MSRA: variants seen among roughly 807,000 people sequenced by gnomAD.
MSRA encodes the protein mitochondrial peptide methionine sulfoxide reductase.
In MSRA, 54 loss-of-function variants were observed where a neutral mutation model predicts 31.3. The observed-to-expected ratio is 1.73, with a 90% confidence interval of 1.39 to 2.17. MSRA has a LOEUF of 2.17. Among genes scored for constraint, MSRA ranks in the 30% most tolerant of loss-of-function variants. The probability of loss-of-function intolerance (pLI) is 0.00; values close to 1 mark genes in which losing one functional copy is unlikely to be tolerated. For synonymous variants in MSRA, 169 were observed against 116.5 expected (o/e 1.45, Z -2.90); for missense variants, 507 against 300.9 (o/e 1.69, Z -5.07).
intron 3 of MSRA, among the ~76,000 whole-genome samples, chr8:10,284,054 T>G (rs190328924): frequency 1.3e-5 from 2 of 151,910 alleles, no homozygotes; most frequent in African/African-American, 2.4e-5. Context: ...AGTTCTACTT[T>G]TAGTTTGTTA....
chr8:10,204,949 G>C (rs1808823697), intron 1 of MSRA, among the ~76,000 whole-genome samples: 1 of 152,186 alleles, frequency 6.6e-6, no homozygotes. Context: ...AGTGGCATAA[G>C]TGCAAAGTGC....
intron 3 of MSRA, among the ~76,000 whole-genome samples, chr8:10,249,350 C>T (rs904409756): frequency 6.6e-6 from 1 of 152,148 alleles, no homozygotes; most frequent in Admixed American, 6.5e-5. Flanking sequence ...ATTGAGTTAA[C>T]CTCGGGCTGA....
chr8:10,174,796 G>A (rs531639463), intron 1 of MSRA, among the ~76,000 whole-genome samples: 9 of 152,342 alleles, frequency 5.9e-5, no homozygotes, highest in South Asian at 2.1e-4. Context: ...TGACCTCAGA[G>A]ATGCCCTCCG....
chr8:10,174,710 A>C (rs1464707419), intron 1 of MSRA, among the ~76,000 whole-genome samples: 2 of 152,004 alleles, frequency 1.3e-5, no homozygotes, highest in East Asian at 3.9e-4. Flanking sequence ...TGCTGGTTAG[A>C]CGTGTCTACT....
intron 1 of MSRA, among the ~76,000 whole-genome samples, chr8:10,175,846 T>C (rs1378635702): frequency 1.3e-5 from 2 of 152,382 alleles, no homozygotes; most frequent in East Asian, 3.9e-4. Context: ...TCGCCGTTTT[T>C]AATATTTACT....
At chr8:10,379,697 C>T (rs1163626094) in intron 5 of MSRA, among the ~76,000 whole-genome samples, 2 of 152,204 alleles carry the variant, frequency 1.3e-5, no homozygotes, top group Admixed American at 6.5e-5. Flanking sequence ...ACGTACATAA[C>T]ACTAAGATTA....
chr8:10,065,646 C>T (rs1447491054), intron 1 of MSRA, among the ~76,000 whole-genome samples: 2 of 152,178 alleles, frequency 1.3e-5, no homozygotes, highest in African/African-American at 4.8e-5. Flanking sequence ...TATTTTTGTT[C>T]ATTAACAACC....
At chr8:10,161,179 C>T (rs146445357) in intron 1 of MSRA, among the ~76,000 whole-genome samples, 2,301 of 152,270 alleles carry the variant, frequency 0.015, 22 homozygotes, top group Non-Finnish European at 0.021. Context: ...CCTTTGCCGC[C>T]TGGTTCAATG....
chr8:10,359,464 T>A (rs1425344968), intron 5 of MSRA, among the ~76,000 whole-genome samples: 2 of 152,230 alleles, frequency 1.3e-5, no homozygotes, highest in African/African-American at 4.8e-5. Context: ...CATTTTAAAG[T>A]AATATGCTGC....
rs555945448 is a variant in MSRA at position 10,252,993 on chromosome 8, A to G, written c.331+7770A>G. ...TGATAGGTAGTTCAAAGTTGAAACC[A>G]AAGAGACGTGCACATTTTGCTAGAG... On this transcript the variant is annotated intron_variant, in intron 3 of 5. Coordinates refer to ENST00000317173, the MANE Select transcript of MSRA (RefSeq NM_012331.5). Among the ~76,000 whole-genome samples the G allele has an allele frequency of 3.9e-5, 6 of 152,330 alleles. 1 individual carries two copies. In the East Asian group the frequency reaches 1.2e-3, roughly 29 times the overall value.
chr8:10,186,412 T>C (rs751131269), intron 1 of MSRA, among the ~76,000 whole-genome samples: 28 of 152,202 alleles, frequency 1.8e-4, no homozygotes, highest in Non-Finnish European at 3.7e-4. Flanking sequence ...AAATTTTATT[T>C]AATGACACTC....
At chr8:10,144,833 C>G (rs1278122467) in intron 1 of MSRA, among the ~76,000 whole-genome samples, 1 of 152,114 alleles carries the variant, frequency 6.6e-6, no homozygotes, top group Non-Finnish European at 1.5e-5. Context: ...GCACATCTGA[C>G]TGTGCTTCTC....
At chr8:10,344,368 G>A (rs1803634933) in intron 5 of MSRA, among the ~76,000 whole-genome samples, 1 of 151,728 alleles carries the variant, frequency 6.6e-6, no homozygotes, top group South Asian at 2.1e-4. Flanking sequence ...AAGGTCAGGA[G>A]TTGAAGACCA....
chr8:10,380,290 C>T (rs1449612278), intron 5 of MSRA, among the ~76,000 whole-genome samples: 1 of 152,164 alleles, frequency 6.6e-6, no homozygotes, highest in Admixed American at 6.5e-5. Context: ...GGGTCACCTC[C>T]TTTGGAAGCT....
chr8:10,426,597 G>A (rs979453536), intron 5 of MSRA, among the ~76,000 whole-genome samples: 66 of 152,344 alleles, frequency 4.3e-4, no homozygotes, highest in African/African-American at 1.2e-3. Context: ...GGAATCTGAA[G>A]CAGGGCCTTG....
chr8:10,300,580 G>A (rs1800789443), intron 3 of MSRA, among the ~76,000 whole-genome samples: 1 of 151,952 alleles, frequency 6.6e-6, no homozygotes, highest in Admixed American at 6.5e-5. Flanking sequence ...GTAGAGATGG[G>A]GTTTCACCAG....
intron 2 of MSRA, among the ~76,000 whole-genome samples, chr8:10,209,813 T>A (rs1462546288): frequency 6.6e-6 from 1 of 152,200 alleles, no homozygotes. Context: ...ATGGCCAGCA[T>A]GTGTGGTTTT....
intron 5 of MSRA, among the ~76,000 whole-genome samples, chr8:10,367,487 G>T (rs1007226646): frequency 6.6e-6 from 1 of 152,140 alleles, no homozygotes; most frequent in Non-Finnish European, 1.5e-5. Context: ...CATGGATAAG[G>T]AGGGCTTCCG....
chr8:10,421,645 T>G (rs556897487), intron 5 of MSRA, among the ~76,000 whole-genome samples: 28 of 152,148 alleles, frequency 1.8e-4, no homozygotes, highest in Non-Finnish European at 3.1e-4. Flanking sequence ...GGCTCTTTAC[T>G]GGCCGCCCTA....
Sources: gnomAD v4.1 joint callset for allele counts (sites outside exome capture counted in the v4.1 genomes callset) on GRCh38, gnomAD v4.1.1 for gene constraint, MANE v1.5 for transcripts, NCBI Gene and HGNC (gene_info 2026-07-23, HGNC 2026-07-21) for gene names.